PRSS23: variants seen among roughly 807,000 people sequenced by gnomAD.
PRSS23 encodes protease, serine 23.
In PRSS23, 25 loss-of-function variants were observed where a neutral mutation model predicts 34.7. The observed-to-expected ratio is 0.72, with a 90% CI of 0.53 to 1.01. PRSS23 has a LOEUF of 1.01. Among genes scored for constraint, PRSS23 ranks in the 50% least tolerant of loss-of-function variants. The pLI is 0.00. For missense variants in PRSS23, 445 were observed against 475.6 expected, an observed-to-expected ratio of 0.94 and a Z score of 0.60; for synonymous variants, 176 against 186.6, an observed-to-expected ratio of 0.94 and a Z score of 0.46.
At chr11:86,874,447 G>A (rs923750773) in intron 2 of PRSS23, among the ~76,000 whole-genome samples, 1 of 152,152 alleles carries the variant, frequency 6.6e-6, no homozygotes, top group Admixed American at 6.5e-5. Context: ...AAGCTTGTGG[G>A]AGCACTTGTA....
At chr11:86,804,667 T>C (rs576112647) in intron 1 of PRSS23, among the ~76,000 whole-genome samples, 1 of 152,332 alleles carries the variant, frequency 6.6e-6, no homozygotes, top group African/African-American at 2.4e-5. Flanking sequence ...GAACTCTGAA[T>C]TAGTAATATT....
intron 2 of PRSS23, among the ~76,000 whole-genome samples, chr11:86,923,986 T>C (rs1590929639): frequency 1.3e-5 from 2 of 152,164 alleles, no homozygotes; most frequent in Admixed American, 1.3e-4. Context: ...TAAAAGGGTA[T>C]ACAAGAGGAT....
At chr11:86,838,284 A>G (rs781350667) in intron 2 of PRSS23, among the ~76,000 whole-genome samples, 44 of 152,128 alleles carry the variant, frequency 2.9e-4, no homozygotes, top group Non-Finnish European at 5.1e-4. Flanking sequence ...TCCCATTGTC[A>G]TAGCAAATAG....
At chr11:86,861,738 C>A (rs1429319892) in intron 2 of PRSS23, among the ~76,000 whole-genome samples, 2 of 151,210 alleles carry the variant, frequency 1.3e-5, no homozygotes, top group South Asian at 2.1e-4. Context: ...TGTACACCCC[C>A]CTGTGATATT....
At chr11:86,940,873 AT>A (rs1949202890) in intron 2 of PRSS23, 1 of 152,246 alleles carries the variant, frequency 6.6e-6, no homozygotes, top group Non-Finnish European at 1.5e-5. Context: ...TTATACAATT[AT>A]GACAACAGTA....
upstream of PRSS23, among the ~76,000 whole-genome samples, chr11:86,799,241 T>C (rs988980571): frequency 1.3e-5 from 2 of 152,090 alleles, no homozygotes; most frequent in African/African-American, 4.8e-5. Context: ...GGAGTACTTG[T>C]CTTGAAAATA....
At chr11:86,844,360 A>G (rs955770195) in intron 2 of PRSS23, among the ~76,000 whole-genome samples, 1 of 152,176 alleles carries the variant, frequency 6.6e-6, no homozygotes, top group Admixed American at 6.5e-5. Flanking sequence ...ATGTATACGT[A>G]TGTAACAAAC....
intron 2 of PRSS23, among the ~76,000 whole-genome samples, chr11:86,917,563 CCTAA>C (rs370815756): frequency 6.6e-6 from 1 of 152,130 alleles, no homozygotes; most frequent in African/African-American, 2.4e-5. Context: ...ACATTTGTGT[CCTAA>C]CTCTTTTCTT....
chr11:86,951,411 T>C lies in PRSS23; in HGVS notation c.*126T>C, dbSNP rs1949290799. 1.9e-6 allele frequency: 3 copies of C among 1,613,386 alleles called. No homozygotes were observed. Among genetic ancestry groups the C allele is most frequent in the South Asian group, 1.1e-5 (1 of 91,082 alleles). On this transcript the variant is annotated 3_prime_UTR_variant, in exon 3 of 3. Transcript: ENST00000533902. ...TAAAAATAACAGGCAATCACACACG[T>C]TGCAGGAACTGTGTACAGTACTGAG...
intron 2 of PRSS23, among the ~76,000 whole-genome samples, chr11:86,844,988 C>T (rs1948476135): frequency 6.6e-6 from 1 of 151,762 alleles, no homozygotes; most frequent in Non-Finnish European, 1.5e-5. Context: ...ACTCAGGAGG[C>T]TGAGCAAACA....
At chr11:86,864,863 G>T (rs1413173241) in intron 2 of PRSS23, among the ~76,000 whole-genome samples, 2 of 152,164 alleles carry the variant, frequency 1.3e-5, no homozygotes, top group Non-Finnish European at 2.9e-5. Context: ...GCATCTTCCA[G>T]TCTCTCTCTG....
At chr11:86,939,929 C>T (rs557561808) in intron 2 of PRSS23, among the ~76,000 whole-genome samples, 1 of 152,126 alleles carries the variant, frequency 6.6e-6, no homozygotes, top group South Asian at 2.1e-4. Flanking sequence ...TCTGGTTAGG[C>T]AATTCACAGT....
chr11:86,938,120 C>A (rs1240550767), intron 2 of PRSS23, among the ~76,000 whole-genome samples: 2 of 152,248 alleles, frequency 1.3e-5, no homozygotes, highest in Non-Finnish European at 2.9e-5. Context: ...TCCAGTGCCA[C>A]AAATGGCTGC....
intron 2 of PRSS23, among the ~76,000 whole-genome samples, chr11:86,828,935 C>T (rs1948327035): frequency 6.6e-6 from 1 of 152,102 alleles, no homozygotes; most frequent in African/African-American, 2.4e-5. Flanking sequence ...ACATTTTTTC[C>T]TTCATTTCAA....
chr11:86,871,338 A>T (rs893534802), intron 2 of PRSS23, among the ~76,000 whole-genome samples: 10 of 152,224 alleles, frequency 6.6e-5, no homozygotes, highest in Middle Eastern at 3.2e-3. Context: ...ATCTCCAAGC[A>T]CTGTGTGACC....
intron 2 of PRSS23, among the ~76,000 whole-genome samples, chr11:86,875,295 C>A (rs1000021698): frequency 6.6e-6 from 1 of 152,084 alleles, no homozygotes; most frequent in Non-Finnish European, 1.5e-5. Flanking sequence ...CACTTGAACC[C>A]GGGAGGTGGA....
chr11:86,901,888 C>T (rs1489505487), intron 2 of PRSS23, among the ~76,000 whole-genome samples: 3 of 152,112 alleles, frequency 2.0e-5, no homozygotes, highest in Non-Finnish European at 4.4e-5. Flanking sequence ...AATGGCATGT[C>T]AAGCCATGGT....
intron 2 of PRSS23, among the ~76,000 whole-genome samples, chr11:86,874,060 A>G (rs891516032): frequency 3.3e-5 from 5 of 152,234 alleles, no homozygotes; most frequent in Admixed American, 6.5e-5. Flanking sequence ...ATGGAGACAG[A>G]GAAGGCTGGG....
intron 2 of PRSS23, among the ~76,000 whole-genome samples, chr11:86,869,553 A>G (rs1488006031): frequency 6.6e-6 from 1 of 152,188 alleles, no homozygotes; most frequent in African/African-American, 2.4e-5. Context: ...CCAGGGCACC[A>G]ACGAGAAAGG....
Sources: allele counts gnomAD v4.1 joint callset (sites outside exome capture counted in the v4.1 genomes callset), GRCh38; gene constraint gnomAD v4.1.1; transcripts MANE v1.5; gene names NCBI Gene and HGNC (gene_info 2026-07-23, HGNC 2026-07-21).